The following UGT1A8 variants were observed in gnomAD, a reference collection of about 807,000 sequenced individuals.
The protein encoded by UGT1A8 is UDP glucuronosyltransferase family 1 member A8, also known as UDP-glucuronosyltransferase 1A8.
A neutral mutation model predicts 45.3 loss-of-function variants in UGT1A8; 39 were observed. The ratio of observed to expected loss-of-function variants is 0.86; its 90% CI spans 0.67 to 1.12. UGT1A8 has a LOEUF of 1.12. Among genes scored for constraint, UGT1A8 ranks in the 50% most tolerant of loss-of-function variants. The pLI is 0.00. For synonymous variants in UGT1A8, 275 were observed against 249.2 expected (o/e 1.10, Z -0.97); for missense variants, 719 against 664.9 (o/e 1.08, Z -0.90).
At position 233,769,640 on chromosome 2, in the gene UGT1A8, T is replaced by G; in HGVS notation, c.1295+1201T>G. ...TGAGCAAGGGACAACAGGGGAGGACTGATGACTGACTTCCCACCTTTGAGG... is the reference window on the plus strand; with the variant it reads ...TGAGCAAGGGACAACAGGGGAGGACGGATGACTGACTTCCCACCTTTGAGG... On this transcript the variant is annotated intron_variant, in intron 4 of 4. Coordinates refer to ENST00000373450, the MANE Select transcript of UGT1A8 (RefSeq NM_019076.5). This position sits in a 1 kb window ranked among gnomAD's most constrained non-coding sequence, Gnocchi z 4.4. The G allele has an allele frequency of 6.2e-7, 1 of 1,609,904 alleles. No individual in the cohort carries two copies. Among genetic ancestry groups the G allele is most frequent in the Non-Finnish European group, 8.5e-7 (1 of 1,178,488 alleles).
chr2:233,729,080 A>T lies in UGT1A8; in HGVS notation c.856-37954A>T, dbSNP rs1488435672. 6 of 1,612,076 alleles carry T rather than the reference A, an allele frequency of 3.7e-6. No homozygotes were observed. In the African/African-American group the frequency reaches 8.0e-5, roughly 22 times the overall value. On this transcript the variant is annotated intron_variant, in intron 1 of 4. Transcript: ENST00000373450. Reference sequence around the variant, plus strand: ...TTAAGATGAAGAAAGCAAATGTAGCAGGCACAGCGTGGGGTGGACAGTCAG... The same window carrying T: ...TTAAGATGAAGAAAGCAAATGTAGCTGGCACAGCGTGGGGTGGACAGTCAG...
chr2:233,751,669 T>C (rs923739098), intron 1 of UGT1A8, among the ~76,000 whole-genome samples: 3 of 152,228 alleles, frequency 2.0e-5, no homozygotes, highest in African/African-American at 7.2e-5. Flanking sequence ...GAGTGAGTTC[T>C]AATGAGAGCT....
chr2:233,729,864 G>A (rs567615944), intron 1 of UGT1A8: 25 of 1,613,784 alleles, frequency 1.5e-5, no homozygotes, highest in African/African-American at 2.7e-5. Flanking sequence ...TGTCAGTGGT[G>A]GATATTCTCA....
chr2:233,731,753 A>G (rs950237110), intron 1 of UGT1A8, among the ~76,000 whole-genome samples: 2 of 152,194 alleles, frequency 1.3e-5, no homozygotes, highest in Non-Finnish European at 2.9e-5. Context: ...ATACGTGTGC[A>G]TGTGTCCTTA....
At chr2:233,755,143 C>T (rs1695780518) in intron 1 of UGT1A8, 3 of 1,305,190 alleles carry the variant, frequency 2.3e-6, no homozygotes, top group Non-Finnish European at 3.1e-6. Context: ...AATCTTCTCA[C>T]CGCTTCCTCC....
In UGT1A8 at chr2:233,767,833, T is replaced by C; in HGVS notation, c.988-16T>C. On this transcript the variant is annotated splice_polypyrimidine_tract_variant and intron_variant, in intron 2 of 4. Transcript: ENST00000373450. ...TATGTTCTTTCTTTACGTTCTGCTC[T>C]TTTTGCCCCTCCCAGGTCCTGTGGC... 2 of 1,614,174 alleles carry C rather than the reference T, an allele frequency of 1.2e-6. No homozygotes were observed. Among genetic ancestry groups the C allele is most frequent in the Non-Finnish European group, 1.7e-6 (2 of 1,180,036 alleles).
rs45568432 is a variant in UGT1A8 at position 233,618,389 on chromosome 2, C to T, written c.682C>T (p.Leu228=). ...LFCQYFSKNA[L]EIASEILQTP... ...TTGCCAGTATTTTTCCAAAAATGCC[C>T]TAGAAATAGCCTCTGAAATTCTCCA... The change falls in exon 1 of 5, where the codon CTA becomes TTA. Residue 228 remains leucine (L), a synonymous_variant. Coordinates refer to ENST00000373450, the MANE Select transcript of UGT1A8 (RefSeq NM_019076.5). 6.2e-7 allele frequency: 1 copy of T among 1,613,856 alleles called. No individual in the cohort carries two copies. Among genetic ancestry groups the T allele is most frequent in the South Asian group, 1.1e-5 (1 of 91,060 alleles).
rs1301858882 is a variant in UGT1A8 at position 233,760,759 on chromosome 2, C to T, written c.856-6275C>T. 2.5e-6 allele frequency: 4 copies of T among 1,613,948 alleles called. No homozygotes were observed. In the African/African-American group the frequency reaches 4.0e-5, roughly 16 times the overall value. On this transcript the variant is annotated intron_variant, in intron 1 of 4. Transcript: ENST00000373450. Reference sequence around the variant, plus strand: ...GACGGACCCTTTCCTTCCTTGCAGCCCCATCGTGGCCCAGTACCTGTCTCT... The same window carrying T: ...GACGGACCCTTTCCTTCCTTGCAGCTCCATCGTGGCCCAGTACCTGTCTCT...
chr2:233,702,785 G>A (rs1179853330), intron 1 of UGT1A8, among the ~76,000 whole-genome samples: 1 of 152,106 alleles, frequency 6.6e-6, no homozygotes, highest in Admixed American at 6.5e-5. Flanking sequence ...AGGTGTAAAC[G>A]AACCTTGTAT....
intron 1 of UGT1A8, chr2:233,637,395 T>C: frequency 6.3e-7 from 1 of 1,599,896 alleles, no homozygotes; most frequent in Non-Finnish European, 8.5e-7. Context: ...ACCTCTCCTT[T>C]AGCACATTAA....
In UGT1A8 at chr2:233,710,708, G is replaced by A. The variant is rs114746261; in HGVS notation, c.856-56326G>A. Among the ~76,000 whole-genome samples, 1,495 of 152,198 alleles carry A rather than the reference G, an allele frequency of 9.8e-3. 22 individuals carry two copies. Among genetic ancestry groups the A allele is most frequent in the African/African-American group, 0.034 (1,426 of 41,536 alleles). Reference sequence around the variant, plus strand: ...TTACTTCTGGTGTGTGGTGTCCTTTGTTTCATTTTTTAAAAAACAACGTCT... The same window carrying A: ...TTACTTCTGGTGTGTGGTGTCCTTTATTTCATTTTTTAAAAAACAACGTCT... On this transcript the variant is annotated intron_variant, in intron 1 of 4. Transcript: ENST00000373450.
rs770923488 is a variant in UGT1A8 at position 233,692,986 on chromosome 2, T to G, written c.856-74048T>G. On this transcript the variant is annotated intron_variant, in intron 1 of 4. Coordinates refer to ENST00000373450, the MANE Select transcript of UGT1A8 (RefSeq NM_019076.5). ...AGTGAAAACTCTTTATTACCGTTGT[T>G]ACTTTAACTCTTTCCAGGATGGCCT... 4 of 1,613,542 alleles carry G rather than the reference T, an allele frequency of 2.5e-6. No homozygotes were observed. In the East Asian group the frequency reaches 8.9e-5, roughly 36 times the overall value.
Position 233,768,377 on chromosome 2 carries a change from T to A in UGT1A8, c.1233T>A (p.Asn411Lys), listed in dbSNP as rs763012065. The change falls in exon 4 of 5, where the codon AAT (asparagine) becomes AAA (lysine). Residue 411 changes from asparagine (N) to lysine (K), a missense_variant. Asn to Lys is a moderately conservative substitution (Grantham distance 94). Transcript: ENST00000373450. The part of the protein sequence containing the change: ...METKGAGVTL[N>K]VLEMTSEDLE... ...CTAAGGGAGCTGGAGTGACCCTGAA[T>A]GTTCTGGAAATGACTTCTGAAGATT... 1 of 1,614,172 alleles carries A rather than the reference T, an allele frequency of 6.2e-7. No individual in the cohort carries two copies. The highest frequency in any genetic ancestry group is 8.5e-7 in the Non-Finnish European group (1 of 1,180,050).
At chr2:233,694,868 T>C (rs2075244485) in intron 1 of UGT1A8, among the ~76,000 whole-genome samples, 3 of 152,222 alleles carry the variant, frequency 2.0e-5, no homozygotes, top group Non-Finnish European at 4.4e-5. Flanking sequence ...ATAATATAGT[T>C]GTACACATTT....
intron 1 of UGT1A8, among the ~76,000 whole-genome samples, chr2:233,667,910 A>T (rs1157192437): frequency 1.3e-5 from 2 of 152,216 alleles, no homozygotes; most frequent in Non-Finnish European, 2.9e-5. Flanking sequence ...GTGGAGAAAT[A>T]GGAACACTTT....
At chr2:233,661,421 C>T (rs1185191847) in intron 1 of UGT1A8, among the ~76,000 whole-genome samples, 3 of 152,104 alleles carry the variant, frequency 2.0e-5, no homozygotes, top group Non-Finnish European at 4.4e-5. Context: ...TCAGTAAGAC[C>T]TTTCTCACTA....
At chr2:233,755,164 G>C in intron 1 of UGT1A8, 1 of 1,277,322 alleles carries the variant, frequency 7.8e-7, no homozygotes, top group Non-Finnish European at 1.1e-6. Flanking sequence ...CTGTCCTCGG[G>C]GTTTTTGTCG....
chr2:233,646,141 A>G (rs190310855), intron 1 of UGT1A8, among the ~76,000 whole-genome samples: 19 of 152,284 alleles, frequency 1.2e-4, no homozygotes, highest in African/African-American at 4.6e-4. Flanking sequence ...CCATGGTGTG[A>G]GCTGTACTTT....
At chr2:233,676,946 T>C (rs2074376697) in intron 1 of UGT1A8, among the ~76,000 whole-genome samples, 1 of 152,218 alleles carries the variant, frequency 6.6e-6, no homozygotes, top group African/African-American at 2.4e-5. Context: ...TGTGAAATAT[T>C]TGATTACTAT....
Sources: gnomAD v4.1 joint callset for allele counts (sites outside exome capture counted in the v4.1 genomes callset) on GRCh38, gnomAD v4.1.1 for gene constraint, Gnocchi (gnomAD v3.1) non-coding constraint, MANE v1.5 for transcripts, NCBI Gene and HGNC (gene_info 2026-07-23, HGNC 2026-07-21) for gene names.